The following NAV2 variants were observed in gnomAD, a reference collection of about 807,000 sequenced individuals.
NAV2 encodes the protein helicase, APC down-regulated 1.
A neutral mutation model predicts 223.2 loss-of-function variants in NAV2; 54 were observed. The ratio of observed to expected loss-of-function variants is 0.24; its 90% CI spans 0.19 to 0.30. The LOEUF is 0.30. Ranked by LOEUF, NAV2 falls within the 10% of genes least tolerant of loss-of-function variation. NAV2 has a pLI of 1.00. For missense variants in NAV2, 2,806 were observed against 3,147.5 expected (o/e 0.89, Z 2.60); for synonymous variants, 1,279 against 1,239.3 (o/e 1.03, Z -0.67).
chr11:20,009,731 C>T (rs995663942), intron 11 of NAV2, among the ~76,000 whole-genome samples: 2 of 152,176 alleles, frequency 1.3e-5, no homozygotes, highest in Admixed American at 6.5e-5. Context: ...CTTCTCCTCT[C>T]TTCAACCACA....
intron 5 of NAV2, 36 bp downstream of exon 5, chr11:19,880,163 C>A: frequency 1.3e-6 from 2 of 1,521,666 alleles, no homozygotes; most frequent in Non-Finnish European, 1.8e-6. Context: ...TTCTGTTTTT[C>A]AGGCACCTTC....
intron 1 of NAV2, among the ~76,000 whole-genome samples, chr11:19,442,065 C>A (rs1564938791): frequency 1.3e-5 from 2 of 152,340 alleles, no homozygotes; most frequent in East Asian, 3.9e-4. Flanking sequence ...GCTTGGGAAC[C>A]ACTGGCTCAG....
chr11:19,955,100 A>G (rs896673254), intron 10 of NAV2, among the ~76,000 whole-genome samples: 4 of 152,102 alleles, frequency 2.6e-5, no homozygotes, highest in African/African-American at 9.7e-5. Flanking sequence ...CCTGTTGCAT[A>G]GTAAGCAGTC....
At chr11:20,097,867 C>A in intron 31 of NAV2, 122 bp downstream of exon 31, 1 of 817,366 alleles carries the variant, frequency 1.2e-6, no homozygotes, top group Non-Finnish European at 1.9e-6. Context: ...GCTTGTCTCC[C>A]TTCTACCACA....
chr11:19,599,556 G>T (rs1031819674), intron 1 of NAV2, among the ~76,000 whole-genome samples: 3 of 152,222 alleles, frequency 2.0e-5, no homozygotes, highest in East Asian at 3.9e-4. Context: ...GAGGAGAGAA[G>T]TGTGGAAGGG....
chr11:20,051,405 G>T, intron 17 of NAV2, 72 bp downstream of exon 17: 1 of 1,430,278 alleles, frequency 7.0e-7, no homozygotes, highest in Non-Finnish European at 9.9e-7. Flanking sequence ...ACTCCTTCAT[G>T]GCTGGTGGGG....
intron 10 of NAV2, among the ~76,000 whole-genome samples, chr11:19,969,335 A>T (rs1365410132): frequency 6.6e-6 from 1 of 152,008 alleles, no homozygotes; most frequent in African/African-American, 2.4e-5. Context: ...CTTAAATGAG[A>T]CCCGGAAGGC....
At chr11:19,985,686 C>T (rs1005339419) in intron 11 of NAV2, among the ~76,000 whole-genome samples, 2 of 152,076 alleles carry the variant, frequency 1.3e-5, no homozygotes, top group Admixed American at 1.3e-4. Flanking sequence ...AAGCAATTCT[C>T]CTGCCTCAGC....
At chr11:19,346,969 T>TG (rs1853047660), upstream of NAV2, among the ~76,000 whole-genome samples, 1 of 152,234 alleles carries the variant, frequency 6.6e-6, no homozygotes, top group Non-Finnish European at 1.5e-5. Flanking sequence ...TTCTTTTAGA[T>TG]GCACCCTTCT....
intron 1 of NAV2, among the ~76,000 whole-genome samples, chr11:19,829,822 C>T (rs1407035440): frequency 6.6e-6 from 1 of 152,150 alleles, no homozygotes; most frequent in African/African-American, 2.4e-5. Flanking sequence ...TGAAGCAGGC[C>T]TTATTGTACT....
intron 1 of NAV2, among the ~76,000 whole-genome samples, chr11:19,664,410 C>T (rs184846618): frequency 7.2e-5 from 11 of 152,282 alleles, no homozygotes; most frequent in African/African-American, 1.2e-4. Context: ...CTATTGCTAT[C>T]CCTGAGCTTT....
rs79604848 is a variant in NAV2 at position 20,007,911 on chromosome 11, A to T, written c.2768+23664A>T. ...ATGATGCTGTTTTGGATTTGTAAAA[A>T]CATTTTATGTTCACAAAAACAAAAA... On this transcript the variant is annotated intron_variant, in intron 11 of 37. Transcript: ENST00000349880. 2.6e-4 allele frequency among the ~76,000 whole-genome samples: 39 copies of T among 152,352 alleles called. No individual in the cohort carries two copies. The South Asian group carries it at 7.9e-3, about 31-fold the overall frequency.
intron 7 of NAV2, among the ~76,000 whole-genome samples, chr11:19,935,025 T>C (rs1367296585): frequency 6.6e-6 from 1 of 152,152 alleles, no homozygotes; most frequent in African/African-American, 2.4e-5. Context: ...ACATTGCTCA[T>C]TGCTCAGGCT....
At chr11:19,821,122 C>T (rs577822263) in intron 1 of NAV2, among the ~76,000 whole-genome samples, 8 of 152,004 alleles carry the variant, frequency 5.3e-5, no homozygotes, top group Non-Finnish European at 1.0e-4. Flanking sequence ...ATTACCCAGG[C>T]GTGGTGGCAG....
intron 11 of NAV2, among the ~76,000 whole-genome samples, chr11:20,010,468 T>C (rs1376227669): frequency 2.0e-5 from 3 of 152,184 alleles, no homozygotes; most frequent in Non-Finnish European, 4.4e-5. Flanking sequence ...TACTGTGCCA[T>C]CCAGATGCAT....
At chr11:19,353,317 C>T (rs529717768) in intron 1 of NAV2, among the ~76,000 whole-genome samples, 23 of 152,342 alleles carry the variant, frequency 1.5e-4, no homozygotes, top group African/African-American at 5.3e-4. Context: ...AGCCACTTCT[C>T]ATGCACCTGG....
intron 10 of NAV2, among the ~76,000 whole-genome samples, chr11:19,950,617 G>A (rs1021350446): frequency 1.3e-5 from 2 of 152,194 alleles, no homozygotes; most frequent in African/African-American, 4.8e-5. Context: ...TTTTCAGCCT[G>A]TTACTTTTAG....
chr11:19,549,787 G>A (rs561211176), intron 1 of NAV2, among the ~76,000 whole-genome samples: 1 of 152,156 alleles, frequency 6.6e-6, no homozygotes, highest in South Asian at 2.1e-4. Flanking sequence ...AAACCAAGCT[G>A]CACCATGAGC....
intron 1 of NAV2, among the ~76,000 whole-genome samples, chr11:19,446,812 A>G (rs1686136085): frequency 6.6e-6 from 1 of 152,114 alleles, no homozygotes; most frequent in African/African-American, 2.4e-5. Flanking sequence ...TGACCATCCC[A>G]TTACAGACTG....
Sources: gnomAD v4.1 joint callset for allele counts (sites outside exome capture counted in the v4.1 genomes callset) on GRCh38, gnomAD v4.1.1 for gene constraint, MANE v1.5 for transcripts, NCBI Gene and HGNC (gene_info 2026-07-23, HGNC 2026-07-21) for gene names.